The following TNR variants were observed in gnomAD, a reference collection of about 807,000 sequenced individuals.
The protein encoded by TNR is tenascin R.
TNR carries 45 observed loss-of-function variants against 150.4 expected under a neutral mutation model. That is an observed-to-expected ratio of 0.30 (90% confidence interval 0.24 to 0.38). The LOEUF is 0.38. TNR is among the 10% of genes least tolerant of loss of function. The pLI is 1.00. For missense variants in TNR, 1,544 were observed against 1,759.1 expected, an observed-to-expected ratio of 0.88 and a Z score of 2.19; for synonymous variants, 687 against 678.4, an observed-to-expected ratio of 1.01 and a Z score of -0.20.
intron 1 of TNR, among the ~76,000 whole-genome samples, chr1:175,609,797 A>G (rs895069639): frequency 7.9e-5 from 12 of 152,356 alleles, no homozygotes; most frequent in Non-Finnish European, 1.5e-4. Context: ...TCTTGTAGTC[A>G]AACTACATAG....
At chr1:175,647,701 C>T (rs910579204) in intron 1 of TNR, among the ~76,000 whole-genome samples, 1 of 152,186 alleles carries the variant, frequency 6.6e-6, no homozygotes, top group African/African-American at 2.4e-5. Flanking sequence ...CAGACTTGAG[C>T]TTCTTTAGCT....
chr1:175,448,563 C>T (rs1301465348), intron 2 of TNR, among the ~76,000 whole-genome samples: 1 of 152,192 alleles, frequency 6.6e-6, no homozygotes, highest in Non-Finnish European at 1.5e-5. Context: ...CACTGTGCTC[C>T]TCTATCCACC....
intron 9 of TNR, among the ~76,000 whole-genome samples, chr1:175,376,881 C>T (rs186035910): frequency 1.5e-4 from 9 of 61,834 alleles, no homozygotes; most frequent in African/African-American, 4.0e-4. Flanking sequence ...TATATATATA[C>T]ACATATATTT....
In TNR at chr1:175,721,703, C is replaced by T. The variant is rs1018061981; in HGVS notation, c.-165+21523G>A. 9.2e-5 allele frequency among the ~76,000 whole-genome samples: 14 copies of T among 152,254 alleles called. No homozygotes were observed. The East Asian group carries it at 1.5e-3, about 17-fold the overall frequency. ...CTGTCTTCAGTGTTGAGGAACAAGC[C>T]TTGTCTTTTCTCCCTAGCTCCCCAA... On this transcript the variant is annotated intron_variant, in intron 1 of 22. Transcript: ENST00000367674.
chr1:175,557,066 T>C (rs1306184459), intron 1 of TNR, among the ~76,000 whole-genome samples: 1 of 152,164 alleles, frequency 6.6e-6, no homozygotes, highest in African/African-American at 2.4e-5. Context: ...CACTGCCCAA[T>C]AATCAGGAAT....
chr1:175,488,620 C>T (rs1358738218), intron 2 of TNR, among the ~76,000 whole-genome samples: 1 of 152,236 alleles, frequency 6.6e-6, no homozygotes, highest in Non-Finnish European at 1.5e-5. Context: ...TGCTTCCAGG[C>T]ACTGCTCTCC....
rs143659335 is a variant in TNR at position 175,415,609 on chromosome 1, C to T, written c.-63-8832G>A. Reference sequence around the variant, plus strand: ...ATCCACACTCATTTTTCAGCACATGCGGTCAGCCCAGCATGTTCGTGGCTT... The same window carrying T: ...ATCCACACTCATTTTTCAGCACATGTGGTCAGCCCAGCATGTTCGTGGCTT... On this transcript the variant is annotated intron_variant, in intron 2 of 22. Transcript: ENST00000367674. Among the ~76,000 whole-genome samples, 160 of 152,338 alleles carry T rather than the reference C, an allele frequency of 1.1e-3. 2 individuals carry two copies. Among genetic ancestry groups the T allele is most frequent in the African/African-American group, 3.2e-3 (135 of 41,576 alleles).
chr1:175,497,452 C>G (rs1200022557), intron 2 of TNR, among the ~76,000 whole-genome samples: 2 of 152,214 alleles, frequency 1.3e-5, no homozygotes, highest in Non-Finnish European at 2.9e-5. Flanking sequence ...TGGGGAACAA[C>G]AATTGCTTCC....
intron 5 of TNR, among the ~76,000 whole-genome samples, chr1:175,395,508 C>G (rs1223858704): frequency 6.6e-6 from 1 of 152,168 alleles, no homozygotes; most frequent in Admixed American, 6.5e-5. Context: ...CATACCTCAT[C>G]TCCTTTGAAT....
chr1:175,721,819 C>A (rs1173409815), intron 1 of TNR, among the ~76,000 whole-genome samples: 1 of 152,094 alleles, frequency 6.6e-6, no homozygotes, highest in African/African-American at 2.4e-5. Flanking sequence ...CACTCTCCCC[C>A]AATTCTCAGA....
At chr1:175,452,450 G>A (rs1329381292) in intron 2 of TNR, among the ~76,000 whole-genome samples, 2 of 152,240 alleles carry the variant, frequency 1.3e-5, no homozygotes, top group Non-Finnish European at 1.5e-5. Context: ...ACGGGGGGAC[G>A]GCTGTCGGAG....
chr1:175,571,624 T>A (rs1661874637), intron 1 of TNR, among the ~76,000 whole-genome samples: 1 of 152,216 alleles, frequency 6.6e-6, no homozygotes, highest in South Asian at 2.1e-4. Flanking sequence ...TCTGGATGCA[T>A]GACTTTGCCC....
At position 175,666,464 on chromosome 1, in the gene TNR, G is replaced by T. The variant is rs143776754; in HGVS notation, c.-165+76762C>A. On this transcript the variant is annotated intron_variant, in intron 1 of 22. Transcript: ENST00000367674. ...TGAGGGAGGCTGTCAGCCACATGGA[G>T]TGAGGCCAGTCATCTCCTCTCTTCT... is the stretch of plus-strand genomic sequence containing the variant. 7.4e-4 allele frequency among the ~76,000 whole-genome samples: 112 copies of T among 152,320 alleles called. 1 individual carries two copies. Among genetic ancestry groups the T allele is most frequent in the South Asian group, 1.2e-3 (6 of 4,830 alleles).
chr1:175,742,999 C>T (rs554701719), intron 1 of TNR, among the ~76,000 whole-genome samples: 1 of 151,678 alleles, frequency 6.6e-6, no homozygotes, highest in East Asian at 1.9e-4. Flanking sequence ...CACACACCCG[C>T]AAGGCCAGAG....
chr1:175,534,061 T>C (rs1660174135), intron 1 of TNR, among the ~76,000 whole-genome samples: 1 of 152,198 alleles, frequency 6.6e-6, no homozygotes, highest in Non-Finnish European at 1.5e-5. Context: ...CATAATGATA[T>C]TGGCCTCAGT....
intron 1 of TNR, among the ~76,000 whole-genome samples, chr1:175,630,151 T>G (rs1004879770): frequency 6.6e-5 from 10 of 152,082 alleles, no homozygotes; most frequent in African/African-American, 2.4e-4. Context: ...CTCCAGGGGC[T>G]CCATGCTGAA....
chr1:175,438,398 T>C (rs1051924502), intron 2 of TNR, among the ~76,000 whole-genome samples: 2 of 152,190 alleles, frequency 1.3e-5, no homozygotes, highest in African/African-American at 4.8e-5. Flanking sequence ...AAGAGCTATC[T>C]ACGACAAACC....
chr1:175,601,643 G>A (rs1399243001), intron 1 of TNR, among the ~76,000 whole-genome samples: 1 of 152,220 alleles, frequency 6.6e-6, no homozygotes, highest in Non-Finnish European at 1.5e-5. Flanking sequence ...TCAAGAAACA[G>A]ATTCAACTAA....
chr1:175,476,019 G>A (rs1229473610), intron 2 of TNR, among the ~76,000 whole-genome samples: 1 of 152,180 alleles, frequency 6.6e-6, no homozygotes, highest in Non-Finnish European at 1.5e-5. Flanking sequence ...GAGCTGAACA[G>A]GAAGAGCAAA....
Sources: gnomAD v4.1 joint callset for allele counts (sites outside exome capture counted in the v4.1 genomes callset) on GRCh38, gnomAD v4.1.1 for gene constraint, MANE v1.5 for transcripts, NCBI Gene and HGNC (gene_info 2026-07-23, HGNC 2026-07-21) for gene names.